Variants in ZNF407 observed in about 807,000 individuals in gnomAD.
ZNF407 encodes zinc finger protein 407.
ZNF407 carries 17 observed loss-of-function variants against 131.2 expected under a neutral mutation model. The ratio of observed to expected loss-of-function variants is 0.13; its 90% CI spans 0.09 to 0.19. The LOEUF (loss-of-function observed/expected upper bound fraction) is 0.19, where lower values mean the gene tolerates loss of function less well. Among genes scored for constraint, ZNF407 ranks in the 10% least tolerant of loss-of-function variants. ZNF407 has a pLI of 1.00. For synonymous variants in ZNF407, 1,156 were observed against 1,062.0 expected, an observed-to-expected ratio of 1.09 and a Z score of -1.72; for missense variants, 2,681 against 2,830.6, an observed-to-expected ratio of 0.95 and a Z score of 1.20.
intron 4 of ZNF407, among the ~76,000 whole-genome samples, chr18:74,821,375 C>G (rs1970337741): frequency 2.6e-5 from 4 of 151,952 alleles, no homozygotes; most frequent in Admixed American, 2.0e-4. Context: ...CACCCATTAA[C>G]CTGTCACCTA....
chr18:75,007,978 A>G (rs1461790805), intron 8 of ZNF407, among the ~76,000 whole-genome samples: 1 of 152,194 alleles, frequency 6.6e-6, no homozygotes, highest in Non-Finnish European at 1.5e-5. Context: ...TTCTCGGCCA[A>G]AGGAATAACT....
chr18:74,807,532 T>G (rs72975412), intron 4 of ZNF407, among the ~76,000 whole-genome samples: 24,949 of 152,212 alleles, frequency 0.16, 2,359 homozygotes, highest in Non-Finnish European at 0.22. Context: ...CCTGCCCCAG[T>G]TGTTGGCAAC....
chr18:74,651,703 C>T (rs545783246), intron 3 of ZNF407, among the ~76,000 whole-genome samples: 1 of 152,246 alleles, frequency 6.6e-6, no homozygotes, highest in Admixed American at 6.5e-5. Context: ...GTAATTTGTG[C>T]ATTCATTCTG....
intron 7 of ZNF407, among the ~76,000 whole-genome samples, chr18:74,910,235 A>C (rs986378213): frequency 3.9e-5 from 6 of 152,228 alleles, no homozygotes; most frequent in Admixed American, 3.9e-4. Flanking sequence ...GAAGAGTTTG[A>C]ATAGTTTATA....
rs942160181 is a variant in ZNF407, at chr18:74,699,768, A to G, written c.4802+58646A>G. ...GTGTGGGATTTTCTACAGTTAAAAT[A>G]TTAAAAGGAATATTAAATCATACTT... On this transcript the variant is annotated intron_variant, in intron 3 of 8. Transcript: ENST00000299687. Among the ~76,000 whole-genome samples, 13 of 152,204 alleles carry G rather than the reference A, an allele frequency of 8.5e-5. 1 individual carries two copies. Among genetic ancestry groups the G allele is most frequent in the Admixed American group, 6.5e-4 (10 of 15,282 alleles).
chr18:74,977,533 C>CT (rs1478338708), intron 8 of ZNF407, among the ~76,000 whole-genome samples: 1 of 152,224 alleles, frequency 6.6e-6, no homozygotes, highest in Non-Finnish European at 1.5e-5. Context: ...CCCTTCTTGA[C>CT]TTTAAGTCTA....
chr18:74,691,797 T>G (rs1967229821), intron 3 of ZNF407, among the ~76,000 whole-genome samples: 3 of 152,110 alleles, frequency 2.0e-5, no homozygotes, highest in African/African-American at 4.8e-5. Flanking sequence ...TAGACTGAAG[T>G]AAATAATATT....
In ZNF407 at chr18:74,631,148, C is replaced by T. The variant is rs1599025300; in HGVS notation, c.129C>T (p.Phe43=). 3.7e-6 allele frequency: 6 copies of T among 1,613,908 alleles called. No homozygotes were observed. Among genetic ancestry groups the T allele is most frequent in the Non-Finnish European group, 5.1e-6 (6 of 1,179,882 alleles). The change falls in exon 2 of 9, where the codon TTC becomes TTT. Residue 43 remains phenylalanine, a synonymous_variant. Transcript: ENST00000299687. Reference sequence around the variant, plus strand: ...CTGTATCTGATGTGATAGCAAGTTTCCCTGAGAATTCTATGGGCAAAAGAG... The same window carrying T: ...CTGTATCTGATGTGATAGCAAGTTTTCCTGAGAATTCTATGGGCAAAAGAG... ...GGPVSDVIAS[F]PENSMGKRGF...
At position 74,699,918 on chromosome 18, in the gene ZNF407, C is replaced by T. The variant is rs111513685; in HGVS notation, c.4802+58796C>T. Among the ~76,000 whole-genome samples the T allele has an allele frequency of 2.1e-4, 32 of 152,136 alleles. 1 individual carries two copies. The highest frequency in any genetic ancestry group is 7.2e-4 in the African/African-American group (30 of 41,500). ...GAGACAAAATTATATGCACATGTTT[C>T]TCTTAGTAAATTAAAGTTGCCCCTA... is the stretch of plus-strand genomic sequence containing the variant. On this transcript the variant is annotated intron_variant, in intron 3 of 8. Coordinates refer to ENST00000299687, the MANE Select transcript of ZNF407 (RefSeq NM_017757.3).
chr18:74,747,138 C>T (rs548683125), intron 3 of ZNF407, among the ~76,000 whole-genome samples: 2 of 115,824 alleles, frequency 1.7e-5, no homozygotes, highest in South Asian at 3.3e-4. Context: ...TTTTCTTGCT[C>T]ACATTCGTTT....
At chr18:74,775,504 A>G (rs1043514868) in intron 3 of ZNF407, among the ~76,000 whole-genome samples, 1 of 152,250 alleles carries the variant, frequency 6.6e-6, no homozygotes, top group African/African-American at 2.4e-5. Context: ...AGTAGACATT[A>G]TCAGATAGTT....
intron 4 of ZNF407, among the ~76,000 whole-genome samples, chr18:74,794,562 A>G (rs1162172142): frequency 1.3e-5 from 2 of 152,326 alleles, no homozygotes; most frequent in South Asian, 4.1e-4. Context: ...TGCTTATTGC[A>G]GAATAATATA....
At chr18:74,810,912 A>T (rs1191828224) in intron 4 of ZNF407, among the ~76,000 whole-genome samples, 2 of 152,250 alleles carry the variant, frequency 1.3e-5, no homozygotes, top group Non-Finnish European at 2.9e-5. Context: ...AAGAAAACCT[A>T]GGCATTGCCA....
At chr18:74,676,574 C>T (rs556261370) in intron 3 of ZNF407, among the ~76,000 whole-genome samples, 4 of 151,396 alleles carry the variant, frequency 2.6e-5, no homozygotes, top group Non-Finnish European at 2.9e-5. Context: ...GTAGCTGGGA[C>T]TACAGGCGCC....
intron 3 of ZNF407, among the ~76,000 whole-genome samples, chr18:74,752,754 A>G (rs1968836264): frequency 6.6e-6 from 1 of 152,216 alleles, no homozygotes; most frequent in Non-Finnish European, 1.5e-5. Context: ...TGGTACCAGT[A>G]CCATGCTGTT....
intron 8 of ZNF407, among the ~76,000 whole-genome samples, chr18:75,013,585 C>G (rs543910787): frequency 6.6e-6 from 1 of 152,196 alleles, no homozygotes; most frequent in African/African-American, 2.4e-5. Flanking sequence ...CAGAAGGATT[C>G]ACATGTAGTG....
intron 7 of ZNF407, among the ~76,000 whole-genome samples, chr18:74,896,201 T>C (rs1971451144): frequency 6.6e-6 from 1 of 152,154 alleles, no homozygotes; most frequent in African/African-American, 2.4e-5. Flanking sequence ...ATAATTGAGA[T>C]TTGAAGCAGT....
intron 8 of ZNF407, among the ~76,000 whole-genome samples, chr18:74,956,687 T>A (rs1972279374): frequency 6.6e-6 from 1 of 152,058 alleles, no homozygotes; most frequent in African/African-American, 2.4e-5. Flanking sequence ...GAGAGGCGTG[T>A]TGAGCCGTGA....
chr18:74,842,310 G>A (rs1294617644), intron 4 of ZNF407, among the ~76,000 whole-genome samples: 1 of 152,092 alleles, frequency 6.6e-6, no homozygotes, highest in Non-Finnish European at 1.5e-5. Context: ...TAAATTTACA[G>A]CCTCTTTGAA....
Sources: gnomAD v4.1 joint callset for allele counts (sites outside exome capture counted in the v4.1 genomes callset) on GRCh38, gnomAD v4.1.1 for gene constraint, MANE v1.5 for transcripts, NCBI Gene and HGNC (gene_info 2026-07-23, HGNC 2026-07-21) for gene names.